The following ZNF519 variants were observed in gnomAD, a reference collection of about 807,000 sequenced individuals.
The protein encoded by ZNF519 is similar to Zinc finger protein 85 (Zinc finger protein HPF4) (HTF1).
Under a neutral mutation model 7.4 loss-of-function variants are expected in ZNF519, and 7 were observed. That is an observed-to-expected ratio of 0.94 (90% CI 0.54 to 1.77). The LOEUF is 1.77. Among genes scored for constraint, ZNF519 ranks in the 40% most tolerant of loss-of-function variants. The probability of loss-of-function intolerance (pLI) is 0.00; values close to 1 mark genes in which losing one functional copy is unlikely to be tolerated. For synonymous variants in ZNF519, 179 were observed against 203.3 expected (o/e 0.88, Z 1.02); for missense variants, 586 against 623.1 (o/e 0.94, Z 0.63).
Position 14,106,112 on chromosome 18 carries a change from T to C in ZNF519, c.428A>G (p.Asn143Ser). The change falls in exon 3 of 3, where the codon AAT (asparagine) becomes AGT (serine). Residue 143 changes from asparagine to serine, a missense_variant. Coordinates refer to ENST00000590202, the MANE Select transcript of ZNF519 (RefSeq NM_145287.4). Reference protein sequence around the residue: ...AAPTEPCIPMNKYQHKFLKSV... With the variant: ...AAPTEPCIPMSKYQHKFLKSV... ...TTTCAAAAATTTATGTTGATATTTA[T>C]TCATAGGAATACATGGTTCTGTAGG... 1 of 1,608,586 alleles carries C rather than the reference T, an allele frequency of 6.2e-7. No homozygotes were observed. Among genetic ancestry groups the C allele is most frequent in the Non-Finnish European group, 8.5e-7 (1 of 1,178,716 alleles).
At chr18:14,130,556 T>G (rs1293093473) in intron 1 of ZNF519, among the ~76,000 whole-genome samples, 2 of 152,040 alleles carry the variant, frequency 1.3e-5, no homozygotes, top group African/African-American at 4.8e-5. Context: ...AAGTGTCAAA[T>G]CAGGCCACCT....
chr18:14,126,536 C>CGT (rs994055859), intron 1 of ZNF519, among the ~76,000 whole-genome samples: 1 of 152,208 alleles, frequency 6.6e-6, no homozygotes, highest in African/African-American at 2.4e-5. Context: ...CGTCTTTGTG[C>CGT]TTAACACACG....
At chr18:14,128,032 GT>G (rs1567956693) in intron 1 of ZNF519, among the ~76,000 whole-genome samples, 3 of 151,996 alleles carry the variant, frequency 2.0e-5, no homozygotes, top group Admixed American at 1.3e-4. Context: ...GCTTACGCCT[GT>G]AATCCCAGCA....
chr18:14,105,754 T>C lies in ZNF519; in HGVS notation c.786A>G (p.Glu262=), dbSNP rs9303799. The C allele has an allele frequency of 7.7e-3, 12,453 of 1,613,814 alleles. 797 individuals carry two copies. The African/African-American group carries it at 0.14, about 18-fold the overall frequency. ...CACGTTCTTTATATTTCACTGATTTTTCTCCAGTGTTAATTATCTTATGTC... is the reference window on the plus strand; with the variant it reads ...CACGTTCTTTATATTTCACTGATTTCTCTCCAGTGTTAATTATCTTATGTC... ...LKGHKIINTG[E]KSVKYKERGK... is the part of the protein sequence containing the mutation. The change falls in exon 3 of 3, where the codon GAA becomes GAG. Residue 262 remains glutamate, a synonymous_variant. Coordinates refer to ENST00000590202, the MANE Select transcript of ZNF519 (RefSeq NM_145287.4).
intron 2 of ZNF519, among the ~76,000 whole-genome samples, chr18:14,110,757 G>A (rs772312103): frequency 6.6e-6 from 1 of 152,180 alleles, no homozygotes; most frequent in Non-Finnish European, 1.5e-5. Context: ...AACTTGGATG[G>A]AGCTGAAGGC....
At chr18:14,113,597 A>G (rs1287426140) in intron 2 of ZNF519, among the ~76,000 whole-genome samples, 1 of 152,200 alleles carries the variant, frequency 6.6e-6, no homozygotes. Context: ...GTTCACAGCT[A>G]CAATAAAAAT....
Position 14,105,316 on chromosome 18 carries a change from T to C in ZNF519, c.1224A>G (p.Glu408=). 6.2e-7 allele frequency: 1 copy of C among 1,614,016 alleles called. No homozygotes were observed. The highest frequency in any genetic ancestry group is 8.5e-7 in the Non-Finnish European group (1 of 1,179,920). The part of the protein sequence containing the change: ...HTGEKPFKCK[E]CGKAFNRASH... ...AAGCTCTGTTAAAAGCTTTGCCACA[T>C]TCCTTACACTTGAAAGGTTTCTCTC... is the stretch of plus-strand genomic sequence containing the variant. Residue 408 remains glutamate (E), a synonymous_variant, in exon 3 of 3, where the codon GAA becomes GAG. Transcript: ENST00000590202.
intron 2 of ZNF519, among the ~76,000 whole-genome samples, chr18:14,093,004 T>C (rs1048944305): frequency 6.6e-6 from 1 of 152,234 alleles, no homozygotes; most frequent in Non-Finnish European, 1.5e-5. Flanking sequence ...CCCATCTTCC[T>C]TTCTTAGAGA....
At position 14,103,062 on chromosome 18, in the gene ZNF519, G is replaced by C. The variant is rs1197199753; in HGVS notation, c.*1855C>G. ...ATTCAACTATACTGATAATATTACA[G>C]GCTATAAATAGATTAAATAATCAAA... On this transcript the variant is annotated 3_prime_UTR_variant, in exon 3 of 3. Transcript: ENST00000590202. 6.6e-6 allele frequency: 1 copy of C among 152,030 alleles called. No individual in the cohort carries two copies. The highest frequency in any genetic ancestry group is 1.9e-4 in the East Asian group (1 of 5,194). 9.4% of individuals were successfully genotyped at this position (152,030 alleles called of 1,614,324 possible).
chr18:14,132,027 T>A (rs2046332987), intron 1 of ZNF519, among the ~76,000 whole-genome samples: 1 of 152,122 alleles, frequency 6.6e-6, no homozygotes, highest in Admixed American at 6.5e-5. Flanking sequence ...CCGATGACTT[T>A]CGCCTCATCA....
chr18:14,095,175 G>A (rs1405028707), downstream of ZNF519, among the ~76,000 whole-genome samples: 1 of 152,110 alleles, frequency 6.6e-6, no homozygotes, highest in Non-Finnish European at 1.5e-5. Context: ...TGGCCCAGAG[G>A]AACTAGAGCA....
intron 2 of ZNF519, among the ~76,000 whole-genome samples, chr18:14,091,195 A>C (rs189155903): frequency 4.1e-4 from 63 of 152,154 alleles, no homozygotes; most frequent in African/African-American, 1.4e-3. Context: ...TAATGGATAA[A>C]TTTTTTTTAT....
Position 14,106,330 on chromosome 18 carries a change from T to A in ZNF519, c.210A>T (p.Arg70Ser), listed in dbSNP as rs953049056. Residue 70 changes from arginine (R) to serine (S), a missense_variant, in exon 3 of 3, where the codon AGA (arginine) becomes AGT (serine). Coordinates refer to ENST00000590202, the MANE Select transcript of ZNF519 (RefSeq NM_145287.4). Reference protein sequence around the residue: ...QDSFKKATLGRYGSCGLENIC... With the variant: ...QDSFKKATLGSYGSCGLENIC... ...TATTTTCAAGGCCACAGCTCCCATA[T>A]CTTCCCAGTGTTGCTTTTTTGAATG... 5 of 1,613,266 alleles carry A rather than the reference T, an allele frequency of 3.1e-6. No individual in the cohort carries two copies. The African/African-American group carries it at 6.7e-5, about 22-fold the overall frequency.
chr18:14,078,534 A>T (rs537112485), intron 3 of ZNF519, among the ~76,000 whole-genome samples: 3 of 152,314 alleles, frequency 2.0e-5, no homozygotes, highest in Admixed American at 1.3e-4. Flanking sequence ...AATGCTAACT[A>T]AATTATTCAA....
intron 2 of ZNF519, among the ~76,000 whole-genome samples, chr18:14,112,885 A>G (rs2046228689): frequency 6.6e-6 from 1 of 152,200 alleles, no homozygotes; most frequent in Admixed American, 6.5e-5. Context: ...CAAAACATCA[A>G]TGATATTCTT....
chr18:14,071,583 G>T (rs2046028530), downstream of ZNF519: 1 of 152,154 alleles, frequency 6.6e-6, no homozygotes, highest in Non-Finnish European at 1.5e-5. Context: ...ACATTTAGGG[G>T]TTGGCAACCA....
At chr18:14,075,736 G>A (rs2046045184), downstream of ZNF519, 1 of 152,132 alleles carries the variant, frequency 6.6e-6, no homozygotes, top group South Asian at 2.1e-4. Context: ...ATCCCTAGAG[G>A]ACATTTGTTC....
rs777973101 is a variant in ZNF519 at position 14,105,205 on chromosome 18, T to C, written c.1335A>G (p.Ser445=). 3 of 1,571,682 alleles carry C rather than the reference T, an allele frequency of 1.9e-6. No individual in the cohort carries two copies. The highest frequency in any genetic ancestry group is 2.6e-6 in the Non-Finnish European group (3 of 1,145,534). Residue 445 remains serine (S), a synonymous_variant, in exon 3 of 3, where the codon TCA becomes TCG. Coordinates refer to ENST00000590202, the MANE Select transcript of ZNF519 (RefSeq NM_145287.4). ...KECGKAFNRG[S]HLTRHQRIHT... ...GGATTCTTTGATGTCGAGTAAGGTG[T>C]GAGCCCCTGTTAAAGGCTTTGCCAC... is the stretch of plus-strand genomic sequence containing the variant.
Position 14,100,466 on chromosome 18 carries a change from C to T in ZNF519, c.*4451G>A, listed in dbSNP as rs1283380574. 1 of 152,138 alleles carries T rather than the reference C, an allele frequency of 6.6e-6. No homozygotes were observed. Among genetic ancestry groups the T allele is most frequent in the Admixed American group, 6.5e-5 (1 of 15,272 alleles). 9.4% of individuals were successfully genotyped at this position (152,138 alleles called of 1,614,324 possible). On this transcript the variant is annotated 3_prime_UTR_variant, in exon 3 of 3. Coordinates refer to ENST00000590202, the MANE Select transcript of ZNF519 (RefSeq NM_145287.4). The stretch of plus-strand genomic sequence containing the variant: ...GGTTACACACAGTATTTCATGGTAA[C>T]ATCCACACATGAAAACCCACAGCAA...
Sources: allele counts gnomAD v4.1 joint callset (sites outside exome capture counted in the v4.1 genomes callset), GRCh38; gene constraint gnomAD v4.1.1; transcripts MANE v1.5; gene names NCBI Gene and HGNC (gene_info 2026-07-23, HGNC 2026-07-21).